PHACTR3: variants seen among roughly 807,000 people sequenced by gnomAD.
PHACTR3 encodes phosphatase and actin regulator 3, also known as protein phosphatase 1, regulatory subunit 123.
In PHACTR3, 16 loss-of-function variants were observed where a neutral mutation model predicts 66.8. The ratio of observed to expected loss-of-function variants is 0.24; its 90% CI spans 0.16 to 0.36. The LOEUF is 0.36. PHACTR3 is among the 10% of genes least tolerant of loss of function. PHACTR3 has a pLI of 1.00. For missense variants in PHACTR3, 647 were observed against 719.9 expected (o/e 0.90, Z 1.16); for synonymous variants, 323 against 292.1 (o/e 1.11, Z -1.08).
intron 1 of PHACTR3, among the ~76,000 whole-genome samples, chr20:59,721,710 G>A (rs2038308171): frequency 6.6e-6 from 1 of 152,144 alleles, no homozygotes; most frequent in Admixed American, 6.5e-5. Context: ...GGACCAGATT[G>A]CGTGGGGAGG....
rs1346792494 is a variant in PHACTR3, at chr20:59,837,833, G to GAA, written c.1384+1274_1384+1275dup. ...CCAAGTAGCCTGCTGTCAGCAACAG[G>GAA]AAGAGAGTACTACAGCCCAGACCTT... On this transcript the variant is annotated intron_variant, in intron 9 of 12. Coordinates refer to ENST00000371015, the MANE Select transcript of PHACTR3 (RefSeq NM_080672.5). Among the ~76,000 whole-genome samples the GAA allele has an allele frequency of 3.3e-5, 5 of 152,328 alleles. No individual in the cohort carries two copies. The East Asian group carries it at 9.6e-4, about 29-fold the overall frequency.
chr20:59,592,784 A>G (rs1395865403), intron 1 of PHACTR3, among the ~76,000 whole-genome samples: 1 of 152,208 alleles, frequency 6.6e-6, no homozygotes, highest in African/African-American at 2.4e-5. Context: ...TTCACTGAGC[A>G]ATATGCATTT....
At chr20:59,742,967 C>A in intron 1 of PHACTR3, 140 bp from the exon 2 acceptor site, 1 of 965,278 alleles carries the variant, frequency 1.0e-6, no homozygotes, top group Non-Finnish European at 1.6e-6. Flanking sequence ...TGTGGGTGCA[C>A]TGCTGGACAA....
intron 7 of PHACTR3, among the ~76,000 whole-genome samples, chr20:59,796,335 T>G (rs1228478967): frequency 6.6e-6 from 1 of 152,140 alleles, no homozygotes; most frequent in Non-Finnish European, 1.5e-5. Flanking sequence ...GTAGCTATAG[T>G]TATTTTTGAC....
intron 1 of PHACTR3, among the ~76,000 whole-genome samples, chr20:59,658,292 C>T (rs2035692155): frequency 6.6e-6 from 1 of 151,808 alleles, no homozygotes; most frequent in African/African-American, 2.4e-5. Flanking sequence ...CTAAGTCTGA[C>T]ACCTGGGCCC....
rs552208259 is a variant in PHACTR3, at chr20:59,762,717, A to G, written c.542-4469A>G. Among the ~76,000 whole-genome samples the G allele has an allele frequency of 2.7e-4, 41 of 152,296 alleles. 1 individual carries two copies. The South Asian group carries it at 7.7e-3, about 28-fold the overall frequency. On this transcript the variant is annotated intron_variant, in intron 4 of 12. Transcript: ENST00000371015. ...ATTTTCTACCTGGCCCTCTGCAGAAAAGGCCTGCCAAACCCTGGTTTGGAG... is the reference window on the plus strand; with the variant it reads ...ATTTTCTACCTGGCCCTCTGCAGAAGAGGCCTGCCAAACCCTGGTTTGGAG...
chr20:59,764,025 T>G (rs943764831), intron 4 of PHACTR3, among the ~76,000 whole-genome samples: 8 of 152,188 alleles, frequency 5.3e-5, no homozygotes, highest in African/African-American at 1.7e-4. Context: ...GGTTTGGTTT[T>G]GGGTAGAATA....
At chr20:59,593,166 G>C (rs2146314980) in intron 1 of PHACTR3, among the ~76,000 whole-genome samples, 1 of 152,324 alleles carries the variant, frequency 6.6e-6, no homozygotes, top group South Asian at 2.1e-4. Flanking sequence ...GTCAGCATTT[G>C]GTATTGTCAG....
intron 1 of PHACTR3, among the ~76,000 whole-genome samples, chr20:59,729,019 C>T (rs564776192): frequency 1.6e-4 from 24 of 152,128 alleles, no homozygotes; most frequent in Non-Finnish European, 2.6e-4. Flanking sequence ...TACTAGGATC[C>T]GGAGGTGGGG....
chr20:59,626,625 A>G (rs554222366), intron 1 of PHACTR3: 10 of 152,536 alleles, frequency 6.6e-5, no homozygotes, highest in African/African-American at 2.4e-4. Flanking sequence ...GATGCCCACA[A>G]TGCCAAGAGG....
In PHACTR3 at chr20:59,830,416, G is replaced by GTCTGATGGAGGAATGTGTGGGCA. The variant is rs1348499147; in HGVS notation, c.1329-6075_1329-6053dup. On this transcript the variant is annotated intron_variant, in intron 8 of 12. Coordinates refer to ENST00000371015, the MANE Select transcript of PHACTR3 (RefSeq NM_080672.5). The surrounding 1 kb of genome is among the most constrained non-coding windows in gnomAD (Gnocchi z 5.8). ...CATGAGTGATGAAGAGGGTGTGAGT[G>GTCTGATGGAGGAATGTGTGGGCA]TCTGATGGAGGAATGTGTGGGCATC... 2.6e-5 allele frequency among the ~76,000 whole-genome samples: 4 copies of GTCTGATGGAGGAATGTGTGGGCA among 152,222 alleles called. No homozygotes were observed. The South Asian group carries it at 8.3e-4, about 32-fold the overall frequency.
intron 1 of PHACTR3, among the ~76,000 whole-genome samples, chr20:59,714,329 T>A (rs1247820331): frequency 2.0e-5 from 3 of 152,226 alleles, no homozygotes; most frequent in African/African-American, 7.2e-5. Flanking sequence ...GTGTTATTTG[T>A]TTTGCTCTGA....
rs190747945 is a variant in PHACTR3, at chr20:59,837,917, C to G, written c.1384+1357C>G. On this transcript the variant is annotated intron_variant, in intron 9 of 12. Coordinates refer to ENST00000371015, the MANE Select transcript of PHACTR3 (RefSeq NM_080672.5). ...CCTCTTCCTTCCTATCGTGGGCAAC[C>G]AGGTCTTCCCATCAGCAAGTACTTC... Among the ~76,000 whole-genome samples the G allele has an allele frequency of 2.2e-4, 33 of 152,288 alleles. No individual in the cohort carries two copies. The East Asian group carries it at 6.0e-3, about 28-fold the overall frequency.
chr20:59,836,682 C>T, intron 9 of PHACTR3, 122 bp downstream of exon 9: 1 of 892,396 alleles, frequency 1.1e-6, no homozygotes, highest in Non-Finnish European at 1.7e-6. Flanking sequence ...TCCCAGTAAA[C>T]CTGAGCTGCT....
chr20:59,763,460 A>T (rs1183959276), intron 4 of PHACTR3, among the ~76,000 whole-genome samples: 2 of 152,216 alleles, frequency 1.3e-5, no homozygotes, highest in Non-Finnish European at 2.9e-5. Context: ...TGGTTGTTCA[A>T]TAACATTTGC....
intron 8 of PHACTR3, among the ~76,000 whole-genome samples, chr20:59,808,867 G>A (rs759985184): frequency 1.5e-4 from 23 of 152,192 alleles, no homozygotes; most frequent in Non-Finnish European, 2.9e-4. Context: ...ATCGTTCTCC[G>A]TGGAGGGGCC....
chr20:59,733,101 T>G (rs1160344152), intron 1 of PHACTR3, among the ~76,000 whole-genome samples: 1 of 143,512 alleles, frequency 7.0e-6, no homozygotes, highest in African/African-American at 2.6e-5. Context: ...CATCCCTCCC[T>G]GCCCTCCACC....
chr20:59,689,670 C>A (rs2037034485), intron 1 of PHACTR3, among the ~76,000 whole-genome samples: 1 of 152,174 alleles, frequency 6.6e-6, no homozygotes, highest in Admixed American at 6.5e-5. Flanking sequence ...GAAACTGAGG[C>A]CTTGCCAGGG....
intron 8 of PHACTR3, among the ~76,000 whole-genome samples, chr20:59,811,632 C>T (rs918169493): frequency 2.0e-5 from 3 of 150,230 alleles, no homozygotes; most frequent in African/African-American, 7.4e-5. Context: ...GTACTCCAGC[C>T]TGGGCAACAG....
Sources: gnomAD v4.1 joint callset for allele counts (sites outside exome capture counted in the v4.1 genomes callset) on GRCh38, gnomAD v4.1.1 for gene constraint, Gnocchi (gnomAD v3.1) non-coding constraint, MANE v1.5 for transcripts, NCBI Gene and HGNC (gene_info 2026-07-23, HGNC 2026-07-21) for gene names.